The following DOCK3 variants were observed in gnomAD, a reference collection of about 807,000 sequenced individuals.
The protein encoded by DOCK3 is dedicator of cytokinesis 3.
DOCK3 carries 60 observed loss-of-function variants against 265.6 expected under a neutral mutation model. That is an observed-to-expected ratio of 0.23 (90% CI 0.18 to 0.28). The LOEUF is 0.28. Among genes scored for constraint, DOCK3 ranks in the 10% least tolerant of loss-of-function variants. The probability of loss-of-function intolerance (pLI) is 1.00; values close to 1 mark genes in which losing one functional copy is unlikely to be tolerated. For missense variants in DOCK3, 1,981 were observed against 2,594.3 expected (o/e 0.76, Z 5.14); for synonymous variants, 881 against 938.0 (o/e 0.94, Z 1.11).
intron 1 of DOCK3, among the ~76,000 whole-genome samples, chr3:50,772,561 A>T (rs974079950): frequency 1.3e-4 from 20 of 152,204 alleles, no homozygotes; most frequent in Non-Finnish European, 2.4e-4. Context: ...TGTATACCAT[A>T]AGCATTTACA....
intron 5 of DOCK3, among the ~76,000 whole-genome samples, chr3:51,028,989 A>C (rs2079928601): frequency 6.6e-6 from 1 of 152,086 alleles, no homozygotes; most frequent in Non-Finnish European, 1.5e-5. Context: ...GGCTTTTTTT[A>C]TTGCCAGAGT....
intron 12 of DOCK3, among the ~76,000 whole-genome samples, chr3:51,162,755 A>C (rs925950511): frequency 6.6e-6 from 1 of 152,208 alleles, no homozygotes; most frequent in Non-Finnish European, 1.5e-5. Context: ...ATTGCTTCTA[A>C]AGCAACAGCT....
chr3:51,013,258 G>C (rs1199940548), intron 5 of DOCK3, among the ~76,000 whole-genome samples: 2 of 152,174 alleles, frequency 1.3e-5, no homozygotes, highest in Non-Finnish European at 2.9e-5. Flanking sequence ...TAGCCTTTCT[G>C]CTCTGGTTTC....
At chr3:51,333,687 T>G (rs946666812) in intron 35 of DOCK3, among the ~76,000 whole-genome samples, 3 of 152,144 alleles carry the variant, frequency 2.0e-5, no homozygotes, top group Non-Finnish European at 4.4e-5. Flanking sequence ...GACTTGAAGT[T>G]GGCTTTTCCA....
intron 3 of DOCK3, among the ~76,000 whole-genome samples, chr3:50,873,728 G>T (rs552608702): frequency 1.3e-5 from 2 of 152,312 alleles, no homozygotes; most frequent in African/African-American, 4.8e-5. Flanking sequence ...CAATCACTGA[G>T]ATCAGCTATT....
rs547931157 is a variant in DOCK3 at position 50,761,857 on chromosome 3, C to A, written c.38-16818C>A. Reference sequence around the variant, plus strand: ...ACAATAGCAAAGACTTGGAACCAACCAAATGTCCACAATGATAGACTGGAT... The same window carrying A: ...ACAATAGCAAAGACTTGGAACCAACAAAATGTCCACAATGATAGACTGGAT... On this transcript the variant is annotated intron_variant, in intron 1 of 52. Transcript: ENST00000266037. Among the ~76,000 whole-genome samples the A allele has an allele frequency of 3.2e-4, 49 of 152,210 alleles. 1 individual carries two copies. In the Middle Eastern group the frequency reaches 0.017, roughly 53 times the overall value.
chr3:50,901,819 C>T, intron 4 of DOCK3: 2 of 373,102 alleles, frequency 5.4e-6, no homozygotes, highest in South Asian at 4.2e-5. Context: ...CTAACCAGTC[C>T]CAATGAGATG....
intron 10 of DOCK3, among the ~76,000 whole-genome samples, chr3:51,155,975 C>A (rs1009941354): frequency 6.6e-6 from 1 of 152,100 alleles, no homozygotes; most frequent in Non-Finnish European, 1.5e-5. Flanking sequence ...TGAATTTGTA[C>A]AGTTTTCCAA....
intron 21 of DOCK3, among the ~76,000 whole-genome samples, chr3:51,245,295 T>C (rs928166397): frequency 2.6e-5 from 4 of 151,910 alleles, no homozygotes; most frequent in Non-Finnish European, 5.9e-5. Context: ...CGAGGTCGCG[T>C]CACTGCACTC....
At chr3:50,997,063 A>G (rs1249463257) in intron 5 of DOCK3, among the ~76,000 whole-genome samples, 1 of 152,182 alleles carries the variant, frequency 6.6e-6, no homozygotes, top group Non-Finnish European at 1.5e-5. Flanking sequence ...GCTTACCTTC[A>G]GTGACCTTTT....
At chr3:50,811,466 A>ATTT (rs1559671245) in intron 2 of DOCK3, among the ~76,000 whole-genome samples, 40 of 152,234 alleles carry the variant, frequency 2.6e-4, no homozygotes, top group African/African-American at 8.2e-4. Flanking sequence ...AGAAAGAAAA[A>ATTT]GAGTCATTCA....
At chr3:50,802,953 C>G (rs189894689) in intron 2 of DOCK3, among the ~76,000 whole-genome samples, 1 of 151,058 alleles carries the variant, frequency 6.6e-6, no homozygotes, top group East Asian at 1.9e-4. Context: ...ATCCTGCAGG[C>G]TTTCTTCATT....
In DOCK3 at chr3:51,357,755, C is replaced by T; in HGVS notation, c.4684-3C>T. ...CTTCCTGACTTGGCCTTTCCTTTCA[C>T]AGGCCTTCTTTGATAAAGATTACAT... On this transcript the variant is annotated splice_polypyrimidine_tract_variant and splice_region_variant and intron_variant, in intron 44 of 52. Transcript: ENST00000266037. The T allele has an allele frequency of 1.2e-6, 2 of 1,614,018 alleles. No homozygotes were observed. Among genetic ancestry groups the T allele is most frequent in the Non-Finnish European group, 1.7e-6 (2 of 1,179,870 alleles).
intron 4 of DOCK3, among the ~76,000 whole-genome samples, chr3:50,916,304 A>C (rs1358605353): frequency 1.3e-5 from 2 of 151,896 alleles, no homozygotes; most frequent in African/African-American, 4.8e-5. Flanking sequence ...CCCAGGCTGG[A>C]GTGCAGTGGC....
intron 2 of DOCK3, among the ~76,000 whole-genome samples, chr3:50,818,894 A>G (rs1346540036): frequency 6.6e-6 from 1 of 152,212 alleles, no homozygotes; most frequent in Non-Finnish European, 1.5e-5. Flanking sequence ...TCAAGAGCCA[A>G]TTCAAGTAGG....
At chr3:50,826,723 G>C (rs1286913257) in intron 2 of DOCK3, among the ~76,000 whole-genome samples, 1 of 152,114 alleles carries the variant, frequency 6.6e-6, no homozygotes, top group Admixed American at 6.6e-5. Flanking sequence ...AAAAGAAACA[G>C]TCAGATACCA....
chr3:50,866,022 GTTGT>G (rs2047124684), intron 3 of DOCK3, among the ~76,000 whole-genome samples: 1 of 151,430 alleles, frequency 6.6e-6, no homozygotes, highest in African/African-American at 2.5e-5. Context: ...TTCCTATAGA[GTTGT>G]TTGAGTTCCT....
At chr3:50,970,419 A>G (rs781079815) in intron 5 of DOCK3, among the ~76,000 whole-genome samples, 1 of 152,266 alleles carries the variant, frequency 6.6e-6, no homozygotes, top group South Asian at 2.1e-4. Context: ...TCCATTTGGA[A>G]TATTTATAAC....
chr3:50,825,706 C>T (rs1294087583), intron 2 of DOCK3, among the ~76,000 whole-genome samples: 1 of 152,112 alleles, frequency 6.6e-6, no homozygotes, highest in African/African-American at 2.4e-5. Flanking sequence ...AGTCCTTTCC[C>T]CTTTCAAGTA....
Sources: gnomAD v4.1 joint callset for allele counts (sites outside exome capture counted in the v4.1 genomes callset) on GRCh38, gnomAD v4.1.1 for gene constraint, MANE v1.5 for transcripts, NCBI Gene and HGNC (gene_info 2026-07-23, HGNC 2026-07-21) for gene names.